KIAA0825: variants seen among roughly 807,000 people sequenced by gnomAD.
KIAA0825 encodes the protein KIAA0825.
Under a neutral mutation model 147.6 loss-of-function variants are expected in KIAA0825, and 119 were observed. That is an observed-to-expected ratio of 0.81 (90% CI 0.69 to 0.94). The LOEUF is 0.94. KIAA0825 is among the 40% of genes least tolerant of loss of function. The pLI is 0.00. For synonymous variants in KIAA0825, 470 were observed against 518.1 expected (o/e 0.91, Z 1.26); for missense variants, 1,381 against 1,472.7 (o/e 0.94, Z 1.02).
chr5:94,367,547 G>A (rs79956130), intron 20 of KIAA0825, among the ~76,000 whole-genome samples: 2,256 of 152,182 alleles, frequency 0.015, 51 homozygotes, highest in African/African-American at 0.051. Context: ...TAGAGAAAGT[G>A]ATAAAGTGAT....
At chr5:94,595,178 C>T (rs1164025395) in intron 1 of KIAA0825, among the ~76,000 whole-genome samples, 4 of 152,224 alleles carry the variant, frequency 2.6e-5, no homozygotes, top group African/African-American at 4.8e-5. Context: ...GGGGCTGCCA[C>T]TCCACATTTC....
intron 1 of KIAA0825, among the ~76,000 whole-genome samples, chr5:94,611,506 G>A (rs1463619329): frequency 2.0e-5 from 3 of 151,950 alleles, no homozygotes; most frequent in African/African-American, 4.8e-5. Context: ...TATTAAAAAT[G>A]ACAAAAAGGT....
intron 20 of KIAA0825, among the ~76,000 whole-genome samples, chr5:94,297,159 T>C (rs986730188): frequency 6.6e-6 from 1 of 152,222 alleles, no homozygotes; most frequent in Non-Finnish European, 1.5e-5. Flanking sequence ...CTCGGCTGCA[T>C]GTGATCATAT....
At chr5:94,311,353 T>C (rs1389423456) in intron 20 of KIAA0825, among the ~76,000 whole-genome samples, 1 of 151,464 alleles carries the variant, frequency 6.6e-6, no homozygotes, top group Non-Finnish European at 1.5e-5. Flanking sequence ...TAGAAAACTA[T>C]ATTTCTTATA....
intron 7 of KIAA0825, among the ~76,000 whole-genome samples, chr5:94,476,597 T>C (rs1022153177): frequency 2.0e-5 from 3 of 152,146 alleles, no homozygotes; most frequent in Admixed American, 6.5e-5. Flanking sequence ...GCTCCATCAA[T>C]GCCTTCCATG....
chr5:94,183,376 A>C (rs1336406514), intron 20 of KIAA0825, among the ~76,000 whole-genome samples: 3 of 152,198 alleles, frequency 2.0e-5, no homozygotes, highest in Non-Finnish European at 4.4e-5. Flanking sequence ...TAATAGGAGC[A>C]TGTTTTGTTA....
intron 20 of KIAA0825, among the ~76,000 whole-genome samples, chr5:94,294,703 G>C (rs1011572751): frequency 6.6e-6 from 1 of 152,178 alleles, no homozygotes; most frequent in African/African-American, 2.4e-5. Context: ...TCCAGCCTTG[G>C]CAAGACTATG....
chr5:94,287,244 ATAGCTGATGACTTG>A (rs1777701807), intron 20 of KIAA0825, among the ~76,000 whole-genome samples: 1 of 152,196 alleles, frequency 6.6e-6, no homozygotes. Context: ...CTTCCGACTG[ATAGCTGATGACTTG>A]TAGCTATCAA....
intron 14 of KIAA0825, among the ~76,000 whole-genome samples, chr5:94,433,157 A>G (rs1349173109): frequency 2.6e-5 from 4 of 151,982 alleles, no homozygotes; most frequent in Non-Finnish European, 5.9e-5. Flanking sequence ...CCTCCCGAGT[A>G]GCTAGGACTA....
At position 94,356,725 on chromosome 5, in the gene KIAA0825, C is replaced by CTTTTTTTTTTTTTTTTTTTTTT. The variant is rs1172838355; in HGVS notation, c.3710+27642_3710+27643insAAAAAAAAAAAAAAAAAAAAAA. On this transcript the variant is annotated intron_variant, in intron 20 of 20. Transcript: ENST00000682413. ...TCAAACTTAAGGTTTAACTTGATTT[C>CTTTTTTTTTTTTTTTTTTTTTT]TTTTTTTTTTTTTTTTTGAGACGGA... Among the ~76,000 whole-genome samples, 73 of 116,716 alleles carry CTTTTTTTTTTTTTTTTTTTTTT rather than the reference C, an allele frequency of 6.3e-4. 9 individuals are homozygous for CTTTTTTTTTTTTTTTTTTTTTT. The highest frequency in any genetic ancestry group is 1.3e-3 in the African/African-American group (37 of 29,502). The allele number at this position is 116,716 out of a possible 152,430, so 76.6% of individuals were successfully genotyped here.
intron 1 of KIAA0825, among the ~76,000 whole-genome samples, chr5:94,601,135 C>T (rs768790597): frequency 6.6e-6 from 1 of 152,182 alleles, no homozygotes; most frequent in Non-Finnish European, 1.5e-5. Context: ...ATGACCCCAA[C>T]TGGGGTCTCC....
At position 94,593,962 on chromosome 5, in the gene KIAA0825, C is replaced by G. The variant is rs927577151; in HGVS notation, c.-152-11379G>C. ...CACAGTGTGACCCAAATAAATCCAT[C>G]CATTTAGAATCCTTGCTATTACTCT... On this transcript the variant is annotated intron_variant, in intron 1 of 20. Coordinates refer to ENST00000682413, the MANE Select transcript of KIAA0825 (RefSeq NM_001145678.3). 1.1e-5 allele frequency: 5 copies of G among 462,600 alleles called. No individual in the cohort carries two copies. In the Admixed American group the frequency reaches 1.3e-4, roughly 12 times the overall value. The allele number at this position is 462,600 out of a possible 1,614,324, so 28.7% of individuals were successfully genotyped here.
At chr5:94,435,944 T>A (rs1319043562) in intron 14 of KIAA0825, among the ~76,000 whole-genome samples, 1 of 152,244 alleles carries the variant, frequency 6.6e-6, no homozygotes, top group Non-Finnish European at 1.5e-5. Context: ...TGTCTGTTCA[T>A]GTCCTTTGCC....
intron 14 of KIAA0825, among the ~76,000 whole-genome samples, chr5:94,435,506 T>C (rs1465875758): frequency 6.6e-6 from 1 of 152,148 alleles, no homozygotes; most frequent in Non-Finnish European, 1.5e-5. Context: ...CCACATTTTC[T>C]TTATCCAGTC....
At chr5:94,308,865 C>T (rs761512101) in intron 20 of KIAA0825, among the ~76,000 whole-genome samples, 100 of 151,270 alleles carry the variant, frequency 6.6e-4, no homozygotes, top group Non-Finnish European at 1.1e-3. Context: ...GAACTCTTTG[C>T]CATAGATCAT....
intron 20 of KIAA0825, among the ~76,000 whole-genome samples, chr5:94,174,556 A>C (rs2149958290): frequency 6.6e-6 from 1 of 152,292 alleles, no homozygotes; most frequent in Non-Finnish European, 1.5e-5. Flanking sequence ...TTCCCCATTT[A>C]TATAGAATAT....
chr5:94,240,503 G>A (rs963683126), intron 20 of KIAA0825, among the ~76,000 whole-genome samples: 1 of 152,186 alleles, frequency 6.6e-6, no homozygotes, highest in Non-Finnish European at 1.5e-5. Context: ...TGTAAATAGA[G>A]ACACAAATTC....
rs1422786271 is a variant in KIAA0825, at chr5:94,564,443, A to G, written c.-2+17990T>C. 4.8e-5 allele frequency among the ~76,000 whole-genome samples: 5 copies of G among 103,548 alleles called. No homozygotes were observed. The East Asian group carries it at 1.5e-3, about 32-fold the overall frequency. The allele number at this position is 103,548 out of a possible 152,430, so 67.9% of individuals were successfully genotyped here. On this transcript the variant is annotated intron_variant, in intron 2 of 20. Coordinates refer to ENST00000682413, the MANE Select transcript of KIAA0825 (RefSeq NM_001145678.3). ...GTATCGACTACCGGCATGAGCCACC[A>G]TGCCTTATTTTTGAGTGTGTGTGTG...
chr5:94,326,034 G>C (rs1015096916), intron 20 of KIAA0825, among the ~76,000 whole-genome samples: 1 of 151,890 alleles, frequency 6.6e-6, no homozygotes, highest in Admixed American at 6.6e-5. Flanking sequence ...TATAAAATTT[G>C]ATCCATAAAA....
Sources: allele counts gnomAD v4.1 joint callset (sites outside exome capture counted in the v4.1 genomes callset), GRCh38; gene constraint gnomAD v4.1.1; transcripts MANE v1.5; gene names NCBI Gene and HGNC (gene_info 2026-07-23, HGNC 2026-07-21).